The following TSGA10 variants were observed in gnomAD, a reference collection of about 807,000 sequenced individuals.
TSGA10 encodes the protein testis-specific gene 10 protein.
TSGA10 carries 43 observed loss-of-function variants against 96.6 expected under a neutral mutation model. That is an observed-to-expected ratio of 0.44 (90% CI 0.35 to 0.57). The LOEUF (loss-of-function observed/expected upper bound fraction) is 0.57, where lower values mean the gene tolerates loss of function less well. Ranked by LOEUF, TSGA10 falls within the 20% of genes least tolerant of loss-of-function variation. The pLI is 0.01. For synonymous variants in TSGA10, 229 were observed against 269.9 expected (o/e 0.85, Z 1.48); for missense variants, 703 against 834.4 (o/e 0.84, Z 1.94).
At chr2:99,102,417 G>C in intron 10 of TSGA10, 1 of 1,613,860 alleles carries the variant, frequency 6.2e-7, no homozygotes, top group Non-Finnish European at 8.5e-7. Context: ...AGGAAAACAA[G>C]GTGAAATGAG....
At chr2:99,010,825 GTGCT>G (rs1216163669) in intron 20 of TSGA10, among the ~76,000 whole-genome samples, 4 of 152,252 alleles carry the variant, frequency 2.6e-5, no homozygotes, top group Non-Finnish European at 5.9e-5. Flanking sequence ...TTCAAATGCT[GTGCT>G]TGCTTTTTCA....
rs1185634623 is a variant in TSGA10, at chr2:99,065,080, A to G, written c.1263T>C (p.Asn421=). 2.5e-6 allele frequency: 4 copies of G among 1,613,290 alleles called. No individual in the cohort carries two copies. The African/African-American group carries it at 4.0e-5, about 16-fold the overall frequency. ...TATTTTCCCAGTTTTCAGCATCTTC[A>G]TTGGCTTTTCGAAGTTGTTCCATCA... The part of the protein sequence containing the change: ...RQMMEQLRKA[N]EDAENWENKA... The change falls in exon 16 of 21, where the codon AAT becomes AAC. Residue 421 remains asparagine, a synonymous_variant. Coordinates refer to ENST00000393483, the MANE Select transcript of TSGA10 (RefSeq NM_025244.4).
intron 10 of TSGA10, among the ~76,000 whole-genome samples, chr2:99,084,105 A>C (rs1264916021): frequency 6.6e-6 from 1 of 152,238 alleles, no homozygotes; most frequent in East Asian, 1.9e-4. Flanking sequence ...AACAAAAAAA[A>C]GTCCTAGAGT....
intron 1 of TSGA10, among the ~76,000 whole-genome samples, chr2:99,134,677 T>G (rs1399890722): frequency 6.6e-6 from 1 of 152,186 alleles, no homozygotes; most frequent in Non-Finnish European, 1.5e-5. Flanking sequence ...TTTTGAAATT[T>G]TCAGCCTTTT....
At chr2:99,095,461 T>C (rs894489799) in intron 10 of TSGA10, among the ~76,000 whole-genome samples, 5 of 152,178 alleles carry the variant, frequency 3.3e-5, no homozygotes, top group Admixed American at 3.3e-4. Context: ...ATTGTACTAT[T>C]AATACTTTTT....
intron 3 of TSGA10, 129 bp downstream of exon 3, chr2:99,118,422 G>T: frequency 3.9e-6 from 1 of 259,222 alleles, no homozygotes. Context: ...CTGCACTCCA[G>T]CCTTGGTGAC....
intron 19 of TSGA10, 55 bp from the exon 20 acceptor site, chr2:99,018,404 A>G: frequency 1.3e-6 from 2 of 1,597,730 alleles, no homozygotes; most frequent in South Asian, 2.2e-5. Flanking sequence ...TATTAAAACT[A>G]TCATAAAACT....
At chr2:99,050,647 A>G (rs1311562748) in intron 16 of TSGA10, among the ~76,000 whole-genome samples, 2 of 152,188 alleles carry the variant, frequency 1.3e-5, no homozygotes, top group Non-Finnish European at 2.9e-5. Flanking sequence ...GCAAACACCA[A>G]TAATTCACAA....
rs545805928 is a variant in TSGA10 at position 99,056,906 on chromosome 2, CAAAGTTGGCTTAGCATATG to C, written c.1404+8014_1404+8032del. 1.8e-3 allele frequency among the ~76,000 whole-genome samples: 262 copies of C among 148,974 alleles called. 1 individual carries two copies. The highest frequency in any genetic ancestry group is 0.011 in the Middle Eastern group (3 of 282). On this transcript the variant is annotated intron_variant, in intron 16 of 20. Transcript: ENST00000393483. ...ACCAAGTGGGATTTATCTAAAAATG[CAAAGTTGGCTTAGCATATG>C]AAAGTCAATTAATGTAATATACTAT...
At chr2:99,127,217 T>G in intron 1 of TSGA10, 41 bp from the exon 2 acceptor site, 1 of 1,194,120 alleles carries the variant, frequency 8.4e-7, no homozygotes, top group South Asian at 1.5e-5. Context: ...GCATTCAGTT[T>G]AAAACAGCTC....
chr2:99,089,365 T>C (rs940112735), intron 10 of TSGA10, among the ~76,000 whole-genome samples: 4 of 152,142 alleles, frequency 2.6e-5, no homozygotes, highest in East Asian at 1.9e-4. Flanking sequence ...CAACTGAATT[T>C]TGTAACAATT....
intron 10 of TSGA10, among the ~76,000 whole-genome samples, chr2:99,086,980 G>A (rs917468254): frequency 2.0e-5 from 3 of 151,760 alleles, no homozygotes; most frequent in South Asian, 4.2e-4. Flanking sequence ...CAAGGAGGGC[G>A]AATCACGAGG....
chr2:99,122,583 G>C (rs189581571), intron 2 of TSGA10, among the ~76,000 whole-genome samples: 1,553 of 131,998 alleles, frequency 0.012, 9 homozygotes, highest in Middle Eastern at 0.038. Context: ...TTCAAGACAA[G>C]CCTGGGAAAC....
intron 1 of TSGA10, among the ~76,000 whole-genome samples, chr2:99,143,588 A>G (rs1221308429): frequency 6.6e-6 from 1 of 151,520 alleles, no homozygotes; most frequent in Non-Finnish European, 1.5e-5. Context: ...CTCCTGCCTT[A>G]GCCCCTTGAG....
chr2:99,120,641 C>G (rs1248869858), intron 2 of TSGA10, among the ~76,000 whole-genome samples: 2 of 152,104 alleles, frequency 1.3e-5, no homozygotes, highest in Non-Finnish European at 2.9e-5. Flanking sequence ...AAATGTAGTA[C>G]AGAGAAGTCT....
In TSGA10 at chr2:99,065,048, C is replaced by T. The variant is rs751796811; in HGVS notation, c.1295G>A (p.Arg432His). ...GGTATTGTTATCTGCCTCTGATTGA[C>T]GGGCTTTATTTTCCCAGTTTTCAGC... The part of the protein sequence containing the change: ...EDAENWENKA[R>H]QSEADNNTLK... Residue 432 changes from arginine (R) to histidine (H), a missense_variant, in exon 16 of 21, where the codon CGT (arginine) becomes CAT (histidine). Physicochemically the swap from Arg to His is conservative, Grantham distance 29 (BLOSUM62 0). Coordinates refer to ENST00000393483, the MANE Select transcript of TSGA10 (RefSeq NM_025244.4). 11 of 1,613,910 alleles carry T rather than the reference C, an allele frequency of 6.8e-6. No homozygotes were observed. The highest frequency in any genetic ancestry group is 5.0e-5 in the Admixed American group (3 of 59,988).
At chr2:99,035,469 T>C in intron 16 of TSGA10, 30 bp from the exon 17 acceptor site, 130 of 1,336,968 alleles carry the variant, frequency 9.7e-5, no homozygotes, top group Non-Finnish European at 1.2e-4. Flanking sequence ...TATATGTATG[T>C]ATACATATAT....
intron 20 of TSGA10, among the ~76,000 whole-genome samples, chr2:99,017,764 CAAAAAA>C (rs1252515584): frequency 3.0e-5 from 2 of 66,446 alleles, no homozygotes; most frequent in Non-Finnish European, 3.3e-5. Context: ...GACTCCGTCT[CAAAAAA>C]AAAAAAAAAA....
chr2:99,071,006 A>C (rs1370314593), intron 14 of TSGA10, among the ~76,000 whole-genome samples: 1 of 152,150 alleles, frequency 6.6e-6, no homozygotes, highest in East Asian at 1.9e-4. Context: ...CATCTCAGAT[A>C]ATTTTTTATG....
Sources: allele counts gnomAD v4.1 joint callset (sites outside exome capture counted in the v4.1 genomes callset), GRCh38; gene constraint gnomAD v4.1.1; transcripts MANE v1.5; gene names NCBI Gene and HGNC (gene_info 2026-07-23, HGNC 2026-07-21).